PGM5: variants seen among roughly 807,000 people sequenced by gnomAD.
The protein encoded by PGM5 is phosphoglucomutase-like protein 5.
A neutral mutation model predicts 59.2 loss-of-function variants in PGM5; 23 were observed. The ratio of observed to expected loss-of-function variants is 0.39; its 90% confidence interval spans 0.28 to 0.55. The LOEUF (loss-of-function observed/expected upper bound fraction) is 0.55, where lower values mean the gene tolerates loss of function less well. Among genes scored for constraint, PGM5 ranks in the 20% least tolerant of loss-of-function variants. The probability of loss-of-function intolerance (pLI) is 0.66; values close to 1 mark genes in which losing one functional copy is unlikely to be tolerated. For missense variants in PGM5, 574 were observed against 748.3 expected (o/e 0.77, Z 2.72); for synonymous variants, 214 against 286.0 (o/e 0.75, Z 2.54).
At chr9:68,400,821 A>G (rs1822648892) in intron 6 of PGM5, 1 of 152,628 alleles carries the variant, frequency 6.6e-6, no homozygotes, top group South Asian at 2.1e-4. Flanking sequence ...GTGAGATGAA[A>G]GGAAGCAACT....
intron 6 of PGM5, among the ~76,000 whole-genome samples, chr9:68,443,778 A>T (rs1197737295): frequency 6.6e-6 from 1 of 152,256 alleles, no homozygotes; most frequent in Non-Finnish European, 1.5e-5. Context: ...ATAGCTTTGT[A>T]ACAAAAGAGC....
At chr9:68,500,033 A>G (rs1437445049) in intron 10 of PGM5, among the ~76,000 whole-genome samples, 14 of 152,204 alleles carry the variant, frequency 9.2e-5, no homozygotes, top group African/African-American at 3.4e-4. Flanking sequence ...AATGTTGGGT[A>G]CTTCAAGCTA....
intron 6 of PGM5, among the ~76,000 whole-genome samples, chr9:68,463,404 T>C (rs573920650): frequency 2.0e-5 from 3 of 152,210 alleles, no homozygotes; most frequent in African/African-American, 7.2e-5. Flanking sequence ...CTGGGGAAGA[T>C]GAAACTCTTC....
chr9:68,518,908 C>T (rs914067926), intron 10 of PGM5, among the ~76,000 whole-genome samples: 9 of 152,142 alleles, frequency 5.9e-5, no homozygotes, highest in Admixed American at 5.9e-4. Context: ...TTCCCAGAAC[C>T]AATGAAGGAG....
intron 1 of PGM5, among the ~76,000 whole-genome samples, chr9:68,368,437 G>A (rs574384723): frequency 1.6e-4 from 25 of 151,516 alleles, no homozygotes; most frequent in South Asian, 8.4e-4. Flanking sequence ...AGTGCCAGTC[G>A]GAGACACAGA....
chr9:68,403,101 A>G (rs1822711477), intron 6 of PGM5, among the ~76,000 whole-genome samples: 1 of 152,210 alleles, frequency 6.6e-6, no homozygotes, highest in South Asian at 2.1e-4. Context: ...CCCCAACCCC[A>G]GGCCACATAG....
chr9:68,421,932 TA>T (rs1823137365), intron 6 of PGM5, among the ~76,000 whole-genome samples: 1 of 151,782 alleles, frequency 6.6e-6, no homozygotes, highest in Non-Finnish European at 1.5e-5. Flanking sequence ...GGTTTAAAAT[TA>T]AAAATTAGGC....
Position 68,384,225 on chromosome 9 carries a change from T to G in PGM5, c.425-173T>G, listed in dbSNP as rs547313263. Among the ~76,000 whole-genome samples the G allele has an allele frequency of 3.0e-4, 46 of 152,056 alleles. 1 individual carries two copies. In the East Asian group the frequency reaches 8.7e-3, roughly 29 times the overall value. On this transcript the variant is annotated intron_variant, in intron 2 of 10. Coordinates refer to ENST00000396396, the MANE Select transcript of PGM5 (RefSeq NM_021965.4). Reference sequence around the variant, plus strand: ...GGTGAGGCTGATCAAATTTCCCCCATAGTGGATGAGTACAGTATAAGAAAT... The same window carrying G: ...GGTGAGGCTGATCAAATTTCCCCCAGAGTGGATGAGTACAGTATAAGAAAT...
intron 5 of PGM5, among the ~76,000 whole-genome samples, chr9:68,391,931 A>T (rs1554679529): frequency 1.3e-5 from 2 of 152,178 alleles, no homozygotes; most frequent in Non-Finnish European, 2.9e-5. Context: ...ACGTTATGGC[A>T]TACAAAGGTT....
At position 68,515,012 on chromosome 9, in the gene PGM5, G is replaced by A. The variant is rs567152815; in HGVS notation, c.1615-14555G>A. Among the ~76,000 whole-genome samples the A allele has an allele frequency of 3.2e-4, 49 of 152,340 alleles. No homozygotes were observed. In the South Asian group the frequency reaches 9.9e-3, roughly 31 times the overall value. ...CACAATTATACTAGTTGAGCTGAGA[G>A]ATTCAAAATAACAGTGGATGAGGTA... On this transcript the variant is annotated intron_variant, in intron 10 of 10. Transcript: ENST00000396396.
chr9:68,505,221 G>A (rs140384020), intron 10 of PGM5, among the ~76,000 whole-genome samples: 1 of 152,266 alleles, frequency 6.6e-6, no homozygotes, highest in African/African-American at 2.4e-5. Context: ...AACGTTGAAG[G>A]CCCAGAAGAG....
chr9:68,487,463 T>TACACACAC (rs67566624), intron 9 of PGM5, among the ~76,000 whole-genome samples: 15,599 of 141,640 alleles, frequency 0.11, 860 homozygotes, highest in African/African-American at 0.15. Flanking sequence ...CACACGCACA[T>TACACACAC]ACACACACAC....
At chr9:68,402,665 A>G (rs1345414152) in intron 6 of PGM5, among the ~76,000 whole-genome samples, 2 of 152,232 alleles carry the variant, frequency 1.3e-5, no homozygotes, top group African/African-American at 2.4e-5. Context: ...TAAGGAAGGT[A>G]GTTTAGCCCA....
chr9:68,499,460 A>T, intron 10 of PGM5, 99 bp downstream of exon 10: 6 of 1,232,788 alleles, frequency 4.9e-6, no homozygotes, highest in Non-Finnish European at 6.8e-6. Flanking sequence ...CCTCCTGGAA[A>T]GGTACATGAT....
chr9:68,491,501 T>C (rs2132099208), intron 9 of PGM5, among the ~76,000 whole-genome samples: 1 of 152,312 alleles, frequency 6.6e-6, no homozygotes. Context: ...GATTCTCAAC[T>C]TCAGTGCTCA....
chr9:68,479,485 C>T lies in PGM5; in HGVS notation c.1227C>T (p.Ala409=), dbSNP rs782594183. 7.4e-6 allele frequency: 12 copies of T among 1,613,874 alleles called. No homozygotes were observed. In the South Asian group the frequency reaches 1.3e-4, roughly 18 times the overall value. The part of the protein sequence containing the change: ...AVLVWLSIIA[A]RKQSVEEIVR... ...TGGTCTGGCTCTCCATTATTGCTGC[C>T]CGGAAGCAGAGTGTGGAGGAAATTG... Residue 409 remains alanine (A), a synonymous_variant, in exon 8 of 11, where the codon GCC becomes GCT. Coordinates refer to ENST00000396396, the MANE Select transcript of PGM5 (RefSeq NM_021965.4).
At chr9:68,361,083 T>A (rs1452423187) in intron 1 of PGM5, among the ~76,000 whole-genome samples, 1 of 152,150 alleles carries the variant, frequency 6.6e-6, no homozygotes, top group African/African-American at 2.4e-5. Context: ...CATGCCCAGC[T>A]AATTTATTGT....
At chr9:68,480,743 G>C (rs1824184407) in intron 8 of PGM5, among the ~76,000 whole-genome samples, 1 of 151,856 alleles carries the variant, frequency 6.6e-6, no homozygotes, top group Admixed American at 6.6e-5. Context: ...CAGGGAAAAA[G>C]AAGTACAGAA....
At chr9:68,486,645 C>T (rs934972679) in intron 9 of PGM5, among the ~76,000 whole-genome samples, 10 of 152,194 alleles carry the variant, frequency 6.6e-5, no homozygotes, top group Admixed American at 1.3e-4. Context: ...TATTCTATCA[C>T]GTGGATGTAC....
Sources: allele counts gnomAD v4.1 joint callset (sites outside exome capture counted in the v4.1 genomes callset), GRCh38; gene constraint gnomAD v4.1.1; transcripts MANE v1.5; gene names NCBI Gene and HGNC (gene_info 2026-07-23, HGNC 2026-07-21).